MSRB3: variants seen among roughly 807,000 people sequenced by gnomAD.
MSRB3 encodes the protein methionine sulfoxide reductase B3, also known as methionine-R-sulfoxide reductase B3.
In MSRB3, 13 loss-of-function variants were observed where a neutral mutation model predicts 21.0. The ratio of observed to expected loss-of-function variants is 0.62; its 90% CI spans 0.40 to 0.98. MSRB3 has a LOEUF of 0.98. Among genes scored for constraint, MSRB3 ranks in the 50% least tolerant of loss-of-function variants. MSRB3 has a pLI of 0.00. For missense variants in MSRB3, 199 were observed against 230.3 expected (o/e 0.86, Z 0.88); for synonymous variants, 87 against 88.6 (o/e 0.98, Z 0.10).
At chr12:65,352,539 C>A (rs1393776828) in intron 4 of MSRB3, among the ~76,000 whole-genome samples, 4 of 151,550 alleles carry the variant, frequency 2.6e-5, no homozygotes, top group Admixed American at 6.6e-5. Flanking sequence ...TGTTTGCAGA[C>A]GACATGATTG....
intron 2 of MSRB3, among the ~76,000 whole-genome samples, chr12:65,324,592 G>T (rs563993476): frequency 6.6e-6 from 1 of 152,172 alleles, no homozygotes; most frequent in African/African-American, 2.4e-5. Context: ...TACTTGACAT[G>T]GTTCATCAAT....
intron 2 of MSRB3, among the ~76,000 whole-genome samples, chr12:65,315,693 A>C (rs959047339): frequency 1.6e-4 from 20 of 128,636 alleles, no homozygotes; most frequent in Non-Finnish European, 2.0e-4. Context: ...AAAAAAAAAA[A>C]CCCATGAAAT....
At chr12:65,282,814 C>T (rs1361901901) in intron 1 of MSRB3, among the ~76,000 whole-genome samples, 1 of 151,940 alleles carries the variant, frequency 6.6e-6, no homozygotes, top group African/African-American at 2.4e-5. Context: ...CTGATAGACA[C>T]AGTTTAGGTC....
chr12:65,424,425 T>G (rs189469976), intron 5 of MSRB3, among the ~76,000 whole-genome samples: 75 of 152,230 alleles, frequency 4.9e-4, no homozygotes, highest in African/African-American at 1.8e-3. Flanking sequence ...ATCTTTCTTC[T>G]TTTTTGATGG....
chr12:65,423,563 A>G (rs2136649045), intron 5 of MSRB3, among the ~76,000 whole-genome samples: 1 of 152,092 alleles, frequency 6.6e-6, no homozygotes, highest in South Asian at 2.1e-4. Context: ...AGGATGTTGA[A>G]TTTTGTTCCA....
At chr12:65,303,665 A>G (rs528657991) in intron 1 of MSRB3, among the ~76,000 whole-genome samples, 1 of 152,272 alleles carries the variant, frequency 6.6e-6, no homozygotes, top group Admixed American at 6.5e-5. Flanking sequence ...AATGCCGGGT[A>G]CTGGGATGCA....
rs1469024718 is a variant in MSRB3, at chr12:65,348,358, G to C, written c.263+19755G>C. 2.6e-4 allele frequency among the ~76,000 whole-genome samples: 39 copies of C among 152,078 alleles called. 1 individual carries two copies. Among genetic ancestry groups the C allele is most frequent in the African/African-American group, 7.2e-4 (30 of 41,524 alleles). Reference sequence around the variant, plus strand: ...AATTTATCCATTTCTTCTAGATTTTGTAGTTTATTTGCATAGAGGTGTTTA... The same window carrying C: ...AATTTATCCATTTCTTCTAGATTTTCTAGTTTATTTGCATAGAGGTGTTTA... On this transcript the variant is annotated intron_variant, in intron 4 of 6. Coordinates refer to ENST00000308259, the MANE Select transcript of MSRB3 (RefSeq NM_001031679.3).
intron 5 of MSRB3, among the ~76,000 whole-genome samples, chr12:65,372,553 T>C (rs1878385142): frequency 6.6e-6 from 1 of 152,190 alleles, no homozygotes; most frequent in Non-Finnish European, 1.5e-5. Flanking sequence ...TTGTGTGGAG[T>C]TGGTGATTTT....
rs147404971 is a variant in MSRB3 at position 65,465,544 on chromosome 12, C to G, written c.*2222C>G. The G allele has an allele frequency of 6.6e-6, 1 of 152,122 alleles. No homozygotes were observed. The highest frequency in any genetic ancestry group is 1.5e-5 in the Non-Finnish European group (1 of 68,020). 9.4% of individuals were successfully genotyped at this position (152,122 alleles called of 1,614,324 possible). ...GCCATGTCCACATTCCTACATGTCT[C>G]TCTCTACAAGCACCTCTCTAAGAAG... On this transcript the variant is annotated 3_prime_UTR_variant, in exon 7 of 7. Transcript: ENST00000308259.
At position 65,466,548 on chromosome 12, in the gene MSRB3, C is replaced by T. The variant is rs977273717; in HGVS notation, c.*3226C>T. ...TTGGTGTGCAAAAAGTATAGCCTTACATTCAAGCAGAATGGATCTGAAGAA... is the reference window on the plus strand; with the variant it reads ...TTGGTGTGCAAAAAGTATAGCCTTATATTCAAGCAGAATGGATCTGAAGAA... On this transcript the variant is annotated 3_prime_UTR_variant, in exon 7 of 7. Transcript: ENST00000308259. 2 of 152,188 alleles carry T rather than the reference C, an allele frequency of 1.3e-5. No homozygotes were observed. Among genetic ancestry groups the T allele is most frequent in the African/African-American group, 2.4e-5 (1 of 41,458 alleles). 9.4% of individuals were successfully genotyped at this position (152,188 alleles called of 1,614,324 possible).
intron 5 of MSRB3, among the ~76,000 whole-genome samples, chr12:65,431,649 C>A (rs1881883363): frequency 6.6e-6 from 1 of 151,902 alleles, no homozygotes; most frequent in Admixed American, 6.6e-5. Context: ...TAGTGGAAAG[C>A]CAGAACCATT....
chr12:65,286,593 A>C (rs1395369580), intron 1 of MSRB3: 1 of 152,100 alleles, frequency 6.6e-6, no homozygotes, highest in African/African-American at 2.4e-5. Flanking sequence ...TATAAATTAC[A>C]TAACAAATCC....
intron 1 of MSRB3, among the ~76,000 whole-genome samples, chr12:65,282,676 G>T (rs1370391649): frequency 8.2e-5 from 11 of 133,764 alleles, no homozygotes; most frequent in South Asian, 2.4e-4. Flanking sequence ...CTTTGCTGGT[G>T]TTTTTTTTTT....
chr12:65,343,534 G>C (rs1876280055), intron 4 of MSRB3, among the ~76,000 whole-genome samples: 1 of 151,992 alleles, frequency 6.6e-6, no homozygotes, highest in African/African-American at 2.4e-5. Context: ...TATCATGTTT[G>C]AATATTTTAA....
intron 3 of MSRB3, among the ~76,000 whole-genome samples, chr12:65,327,837 TCA>T (rs1424127372): frequency 6.6e-6 from 1 of 152,218 alleles, no homozygotes; most frequent in East Asian, 1.9e-4. Flanking sequence ...GCAGTGGACT[TCA>T]GTCTCAGCTT....
rs1339800836 is a variant in MSRB3, at chr12:65,438,560, G to C, written c.293-15168G>C. ...ATAACCTTCCAAATTTACAATAGAA[G>C]TGTTAGGTTAGCATTCAGTTTCTCA... is the stretch of plus-strand genomic sequence containing the variant. On this transcript the variant is annotated intron_variant, in intron 5 of 6. Coordinates refer to ENST00000308259, the MANE Select transcript of MSRB3 (RefSeq NM_001031679.3). Among the ~76,000 whole-genome samples the C allele has an allele frequency of 2.6e-5, 4 of 151,858 alleles. No homozygotes were observed. The East Asian group carries it at 7.7e-4, about 29-fold the overall frequency.
At chr12:65,447,863 C>G (rs1356632154) in intron 5 of MSRB3, among the ~76,000 whole-genome samples, 4 of 152,090 alleles carry the variant, frequency 2.6e-5, no homozygotes, top group Admixed American at 2.6e-4. Flanking sequence ...AAATGTTTGT[C>G]ATTAAAAACT....
At chr12:65,405,673 C>A (rs1472860942) in intron 5 of MSRB3, among the ~76,000 whole-genome samples, 1 of 151,946 alleles carries the variant, frequency 6.6e-6, no homozygotes, top group African/African-American at 2.4e-5. Flanking sequence ...ATACTGTTTT[C>A]TGTAAGGTCT....
intron 1 of MSRB3, chr12:65,282,063 T>A (rs1250280971): frequency 6.6e-6 from 1 of 152,320 alleles, no homozygotes; most frequent in East Asian, 1.9e-4. Flanking sequence ...ACGCCTGTAA[T>A]CCCAGCACTT....
Sources: gnomAD v4.1 joint callset for allele counts (sites outside exome capture counted in the v4.1 genomes callset) on GRCh38, gnomAD v4.1.1 for gene constraint, MANE v1.5 for transcripts, NCBI Gene and HGNC (gene_info 2026-07-23, HGNC 2026-07-21) for gene names.